TMEM132C: variants seen among roughly 807,000 people sequenced by gnomAD.
TMEM132C encodes protein phosphatase 1, regulatory subunit 152.
A neutral mutation model predicts 61.4 loss-of-function variants in TMEM132C; 29 were observed. That is an observed-to-expected ratio of 0.47 (90% CI 0.35 to 0.64). The LOEUF (loss-of-function observed/expected upper bound fraction) is 0.64. Ranked by LOEUF, TMEM132C falls within the 30% of genes least tolerant of loss-of-function variation. The pLI, the probability that TMEM132C is intolerant of heterozygous loss-of-function variation, is 0.00. For synonymous variants in TMEM132C, 656 were observed against 633.1 expected, an observed-to-expected ratio of 1.04 and a Z score of -0.54; for missense variants, 1,408 against 1,476.9, an observed-to-expected ratio of 0.95 and a Z score of 0.76.
chr12:128,676,429 T>C (rs1384097385), intron 5 of TMEM132C, among the ~76,000 whole-genome samples: 1 of 151,910 alleles, frequency 6.6e-6, no homozygotes, highest in Non-Finnish European at 1.5e-5. Flanking sequence ...TTGGTGGGTA[T>C]TTTTTCTGAT....
intron 1 of TMEM132C, among the ~76,000 whole-genome samples, chr12:128,323,569 C>G (rs1872404965): frequency 6.6e-6 from 1 of 152,236 alleles, no homozygotes; most frequent in Non-Finnish European, 1.5e-5. Flanking sequence ...TGGCTCCTTT[C>G]ACCAGGCGTG....
At chr12:128,457,316 A>C (rs537989283) in intron 2 of TMEM132C, among the ~76,000 whole-genome samples, 1 of 151,740 alleles carries the variant, frequency 6.6e-6, no homozygotes, top group East Asian at 1.9e-4. Flanking sequence ...AAAAAAAAAA[A>C]AAAAAACAGC....
intron 3 of TMEM132C, among the ~76,000 whole-genome samples, chr12:128,556,938 G>T (rs1424611156): frequency 6.6e-6 from 1 of 152,128 alleles, no homozygotes; most frequent in Non-Finnish European, 1.5e-5. Context: ...ACAATAAAAT[G>T]ATTGCTTTTG....
intron 4 of TMEM132C, among the ~76,000 whole-genome samples, chr12:128,628,044 C>T (rs897390383): frequency 1.3e-5 from 2 of 152,188 alleles, no homozygotes; most frequent in Admixed American, 6.5e-5. Flanking sequence ...ACTCTGGTAT[C>T]GCACCTGCCC....
chr12:128,686,083 G>GTGTGTGTGCA lies in TMEM132C; in HGVS notation c.1450-7741_1450-7740insGTGCATGTGT, dbSNP rs1294361102. Among the ~76,000 whole-genome samples, 471 of 150,974 alleles carry GTGTGTGTGCA rather than the reference G, an allele frequency of 3.1e-3. 3 individuals are homozygous for GTGTGTGTGCA. The highest frequency in any genetic ancestry group is 0.011 in the African/African-American group (454 of 40,496). ...TGTGTGTGCATGCGTGTGTGCGCAT[G>GTGTGTGTGCA]TGTGTTGTGTGCGCATGTGTGTGCA... On this transcript the variant is annotated intron_variant, in intron 5 of 8. Coordinates refer to ENST00000435159, the MANE Select transcript of TMEM132C (RefSeq NM_001136103.3).
At chr12:128,604,076 C>T (rs138145306) in intron 3 of TMEM132C, among the ~76,000 whole-genome samples, 1 of 152,308 alleles carries the variant, frequency 6.6e-6, no homozygotes, top group East Asian at 1.9e-4. Flanking sequence ...TTGCCTCTCC[C>T]ATCCAAAGCC....
chr12:128,394,907 C>CAAAA lies in TMEM132C; in HGVS notation c.86-19813_86-19810dup. Among the ~76,000 whole-genome samples the CAAAA allele has an allele frequency of 1.5e-5, 2 of 132,316 alleles. 1 individual carries two copies. Among genetic ancestry groups the CAAAA allele is most frequent in the East Asian group, 4.3e-4 (2 of 4,632 alleles). The allele number at this position is 132,316 out of a possible 152,430, so 86.8% of individuals were successfully genotyped here. On this transcript the variant is annotated intron_variant, in intron 1 of 8. Transcript: ENST00000435159. ...TGTGAGTACACTCTCCCTTATTTTC[C>CAAAA]AAAAAAAAAAAAAAATCTAGTAAAG...
At chr12:128,619,746 A>G (rs1340059044) in intron 4 of TMEM132C, among the ~76,000 whole-genome samples, 2 of 152,222 alleles carry the variant, frequency 1.3e-5, no homozygotes, top group Non-Finnish European at 2.9e-5. Flanking sequence ...CCACTTTCGT[A>G]CATAAAGCTT....
intron 2 of TMEM132C, among the ~76,000 whole-genome samples, chr12:128,464,312 T>C (rs11059702): frequency 0.12 from 18,681 of 152,104 alleles, 1,523 homozygotes; most frequent in African/African-American, 0.21. Context: ...CTTTCTCCCC[T>C]GCATGCACTA....
intron 1 of TMEM132C, among the ~76,000 whole-genome samples, chr12:128,410,794 T>C (rs1868510726): frequency 6.6e-6 from 1 of 152,216 alleles, no homozygotes; most frequent in Admixed American, 6.5e-5. Flanking sequence ...TACAAAATTA[T>C]TAGCTACTTT....
At chr12:128,312,798 A>G (rs774727449) in intron 1 of TMEM132C, among the ~76,000 whole-genome samples, 19 of 152,236 alleles carry the variant, frequency 1.2e-4, no homozygotes, top group Non-Finnish European at 2.2e-4. Context: ...CTAATTTATT[A>G]TGGCAGCTCT....
chr12:128,610,693 T>A (rs1379306680), intron 3 of TMEM132C, among the ~76,000 whole-genome samples: 1 of 152,176 alleles, frequency 6.6e-6, no homozygotes, highest in East Asian at 1.9e-4. Context: ...TAGCAAATAT[T>A]TCAGTCTGAT....
chr12:128,493,041 G>T (rs1411690024), intron 2 of TMEM132C, among the ~76,000 whole-genome samples: 7 of 152,142 alleles, frequency 4.6e-5, no homozygotes, highest in African/African-American at 1.7e-4. Flanking sequence ...GTGTAAGGAA[G>T]GGATCCAGTT....
intron 3 of TMEM132C, among the ~76,000 whole-genome samples, chr12:128,594,329 A>G (rs73426489): frequency 0.096 from 14,511 of 151,556 alleles, 2,323 homozygotes; most frequent in African/African-American, 0.33. Context: ...TATTCACCAC[A>G]GAGAGCCACT....
chr12:128,634,303 G>A (rs1954084509), intron 4 of TMEM132C, among the ~76,000 whole-genome samples: 1 of 152,192 alleles, frequency 6.6e-6, no homozygotes, highest in South Asian at 2.1e-4. Flanking sequence ...TCAAACTCCT[G>A]GCCTCTAGCC....
chr12:128,585,787 C>T (rs533621004), intron 3 of TMEM132C, among the ~76,000 whole-genome samples: 16 of 152,108 alleles, frequency 1.1e-4, no homozygotes, highest in Non-Finnish European at 2.1e-4. Context: ...ATCGGCCCGT[C>T]GCTGAAGGAT....
intron 4 of TMEM132C, among the ~76,000 whole-genome samples, chr12:128,654,457 C>A (rs534559185): frequency 6.6e-6 from 1 of 152,158 alleles, no homozygotes; most frequent in African/African-American, 2.4e-5. Context: ...AAATTTCAGT[C>A]GTTGTATGCC....
chr12:128,530,131 A>T (rs1873235009), intron 2 of TMEM132C, among the ~76,000 whole-genome samples: 1 of 151,954 alleles, frequency 6.6e-6, no homozygotes, highest in Admixed American at 6.6e-5. Context: ...GAGTGGTGAG[A>T]TGTGCAGATG....
chr12:128,487,419 A>G (rs181220827), intron 2 of TMEM132C, among the ~76,000 whole-genome samples: 49 of 152,202 alleles, frequency 3.2e-4, no homozygotes, highest in African/African-American at 1.2e-3. Flanking sequence ...AAAATGAGCT[A>G]CTTTGGTCTC....
Sources: gnomAD v4.1 joint callset for allele counts (sites outside exome capture counted in the v4.1 genomes callset) on GRCh38, gnomAD v4.1.1 for gene constraint, MANE v1.5 for transcripts, NCBI Gene and HGNC (gene_info 2026-07-23, HGNC 2026-07-21) for gene names.